HIPK2: variants seen among roughly 807,000 people sequenced by gnomAD.
The protein encoded by HIPK2 is homeodomain interacting protein kinase 2, also known as homeodomain-interacting protein kinase 2.
Under a neutral mutation model 113.7 loss-of-function variants are expected in HIPK2, and 27 were observed. The ratio of observed to expected loss-of-function variants is 0.24; its 90% CI spans 0.17 to 0.33. HIPK2 has a LOEUF of 0.33. Ranked by LOEUF, HIPK2 falls within the 10% of genes least tolerant of loss-of-function variation. The pLI, the probability that HIPK2 is intolerant of heterozygous loss-of-function variation, is 1.00. For missense variants in HIPK2, 1,257 were observed against 1,588.0 expected (o/e 0.79, Z 3.54); for synonymous variants, 631 against 642.2 (o/e 0.98, Z 0.26).
At chr7:139,596,641 T>C (rs1436264425) in intron 12 of HIPK2, 76 bp downstream of exon 12, 6 of 1,543,754 alleles carry the variant, frequency 3.9e-6, no homozygotes, top group Non-Finnish European at 4.4e-6. Flanking sequence ...TGTTTGATGA[T>C]GGAAGATGGT....
chr7:139,733,969 G>T (rs956804979), intron 1 of HIPK2, among the ~76,000 whole-genome samples: 5 of 152,176 alleles, frequency 3.3e-5, no homozygotes, highest in African/African-American at 9.7e-5. Context: ...AAGATGTGGC[G>T]CAAGTGTGAA....
intron 2 of HIPK2, among the ~76,000 whole-genome samples, chr7:139,694,368 C>A (rs1794503220): frequency 6.6e-6 from 1 of 152,182 alleles, no homozygotes; most frequent in South Asian, 2.1e-4. Flanking sequence ...CCATTACCAA[C>A]ACAAAGATAC....
intron 2 of HIPK2, among the ~76,000 whole-genome samples, chr7:139,654,782 C>A (rs1047218929): frequency 1.3e-5 from 2 of 152,208 alleles, no homozygotes; most frequent in African/African-American, 4.8e-5. Flanking sequence ...GAGGCCTGTT[C>A]ATTACGATAT....
intron 2 of HIPK2, among the ~76,000 whole-genome samples, chr7:139,646,485 G>A (rs567234128): frequency 7.4e-6 from 1 of 135,964 alleles, no homozygotes; most frequent in South Asian, 2.5e-4. Context: ...GGGTGACAGA[G>A]TAAGACCTTG....
chr7:139,692,756 C>T (rs760703948), intron 2 of HIPK2, among the ~76,000 whole-genome samples: 2 of 152,164 alleles, frequency 1.3e-5, no homozygotes, highest in Non-Finnish European at 2.9e-5. Context: ...AACATAATTT[C>T]GTCAGTACCC....
chr7:139,704,973 C>A (rs1047137934), intron 2 of HIPK2, among the ~76,000 whole-genome samples: 26 of 152,218 alleles, frequency 1.7e-4, no homozygotes, highest in African/African-American at 6.0e-4. Context: ...GAAGAGGTGT[C>A]TCCTCTCTCC....
intron 2 of HIPK2, among the ~76,000 whole-genome samples, chr7:139,650,128 T>C (rs1293256662): frequency 6.6e-6 from 1 of 152,138 alleles, no homozygotes; most frequent in Admixed American, 6.5e-5. Flanking sequence ...GGCAGGCAGA[T>C]CACCTGAGGT....
At chr7:139,622,622 G>C (rs373689955) in intron 6 of HIPK2, among the ~76,000 whole-genome samples, 9 of 152,292 alleles carry the variant, frequency 5.9e-5, no homozygotes, top group African/African-American at 1.9e-4. Context: ...AGTGGGGTCT[G>C]TTTCACCTAG....
At chr7:139,722,861 T>C (rs1585421907) in intron 1 of HIPK2, among the ~76,000 whole-genome samples, 1 of 151,908 alleles carries the variant, frequency 6.6e-6, no homozygotes, top group African/African-American at 2.4e-5. Context: ...AACCTAGATC[T>C]AAATTCTTTT....
intron 2 of HIPK2, among the ~76,000 whole-genome samples, chr7:139,676,069 A>C (rs1802485476): frequency 1.3e-5 from 2 of 152,316 alleles, no homozygotes; most frequent in East Asian, 3.9e-4. Flanking sequence ...CCCTAAGGTA[A>C]CTGCGCTCAT....
rs111293926 is a variant in HIPK2, at chr7:139,641,836, G to A, written c.1104-10111C>T. ...CAAGGGCAGGGTTCACTGCCACTCC[G>A]AACTTGGGTAATAAATCTGCAGCGC... is the stretch of plus-strand genomic sequence containing the variant. On this transcript the variant is annotated intron_variant, in intron 2 of 14. Coordinates refer to ENST00000406875, the MANE Select transcript of HIPK2 (RefSeq NM_022740.5). 7.1e-4 allele frequency among the ~76,000 whole-genome samples: 108 copies of A among 152,336 alleles called. 1 individual carries two copies. Among genetic ancestry groups the A allele is most frequent in the Middle Eastern group, 3.4e-3 (1 of 294 alleles).
chr7:139,578,369 C>T (rs1798558264), intron 13 of HIPK2, among the ~76,000 whole-genome samples: 1 of 152,170 alleles, frequency 6.6e-6, no homozygotes. Flanking sequence ...TGGTCGTGAA[C>T]TCCTGACCTC....
At chr7:139,616,910 G>A (rs1402671604) in intron 7 of HIPK2, among the ~76,000 whole-genome samples, 1 of 152,162 alleles carries the variant, frequency 6.6e-6, no homozygotes, top group Non-Finnish European at 1.5e-5. Context: ...TTTGCTTACA[G>A]CCTGTCTCAC....
intron 13 of HIPK2, among the ~76,000 whole-genome samples, chr7:139,580,289 A>T (rs1798626287): frequency 6.6e-6 from 1 of 152,126 alleles, no homozygotes; most frequent in Non-Finnish European, 1.5e-5. Context: ...GGGGTTAGGG[A>T]ATGTTAGATG....
intron 12 of HIPK2, 164 bp downstream of exon 12, chr7:139,596,553 G>T: frequency 2.3e-6 from 1 of 440,938 alleles, no homozygotes; most frequent in Non-Finnish European, 3.0e-6. Context: ...AAACCTGTTT[G>T]ACATTCCCTT....
rs368402525 is a variant in HIPK2 at position 139,624,786 on chromosome 7, G to C, written c.1619+1815C>G. Among the ~76,000 whole-genome samples the C allele has an allele frequency of 1.2e-4, 19 of 152,254 alleles. No homozygotes were observed. In the East Asian group the frequency reaches 2.3e-3, roughly 19 times the overall value. On this transcript the variant is annotated intron_variant, in intron 6 of 14. Transcript: ENST00000406875. ...GTCAATCTGTCTTCTTCTCTTACCAGCCTGGCAAAAATTCCACCTGGACAA... is the reference window on the plus strand; with the variant it reads ...GTCAATCTGTCTTCTTCTCTTACCACCCTGGCAAAAATTCCACCTGGACAA...
intron 7 of HIPK2, among the ~76,000 whole-genome samples, chr7:139,617,074 A>G (rs1290613138): frequency 6.6e-6 from 1 of 152,198 alleles, no homozygotes; most frequent in Admixed American, 6.5e-5. Context: ...CTTAAGGACC[A>G]GTTGAAGAAG....
At chr7:139,739,677 T>G (rs541529855) in intron 1 of HIPK2, among the ~76,000 whole-genome samples, 3 of 152,140 alleles carry the variant, frequency 2.0e-5, no homozygotes, top group Non-Finnish European at 4.4e-5. Context: ...ATCACTCTGA[T>G]TATCAGAAAC....
chr7:139,563,532 ATACT>A lies in HIPK2; in HGVS notation c.*9391_*9394del, dbSNP rs149922783. The A allele has an allele frequency of 1.4e-4, 38 of 264,088 alleles. No homozygotes were observed. In the East Asian group the frequency reaches 2.2e-3, roughly 15 times the overall value. The allele number at this position is 264,088 out of a possible 1,614,324, so 16.4% of individuals were successfully genotyped here. On this transcript the variant is annotated 3_prime_UTR_variant, in exon 15 of 15. Transcript: ENST00000406875. ...GGCAGAGCCCTTTTTCAGATACAAC[ATACT>A]TACTTTTCAAATGAACAAAAGGCAA...
Sources: gnomAD v4.1 joint callset for allele counts (sites outside exome capture counted in the v4.1 genomes callset) on GRCh38, gnomAD v4.1.1 for gene constraint, MANE v1.5 for transcripts, NCBI Gene and HGNC (gene_info 2026-07-23, HGNC 2026-07-21) for gene names.